RFX3: variants seen among roughly 807,000 people sequenced by gnomAD.
RFX3 encodes the protein transcription factor RFX3.
In RFX3, 14 loss-of-function variants were observed where a neutral mutation model predicts 98.6. That is an observed-to-expected ratio of 0.14 (90% CI 0.09 to 0.22). The LOEUF (loss-of-function observed/expected upper bound fraction) is 0.22. RFX3 is among the 10% of genes least tolerant of loss of function. The pLI is 1.00. For synonymous variants in RFX3, 383 were observed against 328.4 expected (o/e 1.17, Z -1.80); for missense variants, 639 against 926.9 (o/e 0.69, Z 4.03).
chr9:3,388,101 A>T (rs546774114), intron 2 of RFX3, among the ~76,000 whole-genome samples: 1 of 152,312 alleles, frequency 6.6e-6, no homozygotes, highest in South Asian at 2.1e-4. Context: ...AATTCTAATT[A>T]TCAGGGTTTC....
intron 2 of RFX3, among the ~76,000 whole-genome samples, chr9:3,369,862 A>G (rs376578388): frequency 6.6e-6 from 1 of 151,930 alleles, no homozygotes; most frequent in Non-Finnish European, 1.5e-5. Context: ...CGGAGTCTTG[A>G]TCTGTCGCCC....
chr9:3,313,456 C>T (rs1295908243), intron 4 of RFX3, among the ~76,000 whole-genome samples: 1 of 152,212 alleles, frequency 6.6e-6, no homozygotes, highest in African/African-American at 2.4e-5. Flanking sequence ...AATCAAAGTG[C>T]TTCTTCTCCT....
intron 1 of RFX3, among the ~76,000 whole-genome samples, chr9:3,458,238 T>C (rs946414963): frequency 2.6e-5 from 4 of 152,068 alleles, no homozygotes; most frequent in South Asian, 2.1e-4. Flanking sequence ...CACCAATACA[T>C]AGAATAAATA....
intron 1 of RFX3, among the ~76,000 whole-genome samples, chr9:3,409,754 T>A (rs187678793): frequency 6.6e-6 from 1 of 152,126 alleles, no homozygotes; most frequent in East Asian, 1.9e-4. Context: ...GGTGAAGGAG[T>A]AATCGGTTTT....
intron 1 of RFX3, among the ~76,000 whole-genome samples, chr9:3,403,157 G>T (rs1246300169): frequency 6.6e-6 from 1 of 151,944 alleles, no homozygotes; most frequent in African/African-American, 2.4e-5. Flanking sequence ...AAAACACTTG[G>T]CTTTCTTCCG....
chr9:3,289,515 A>C (rs1827062705), intron 6 of RFX3, among the ~76,000 whole-genome samples: 1 of 152,132 alleles, frequency 6.6e-6, no homozygotes, highest in South Asian at 2.1e-4. Context: ...TCTCCTGTAC[A>C]AGCTGGAGGA....
At chr9:3,517,651 C>T (rs1471005311) in intron 1 of RFX3, among the ~76,000 whole-genome samples, 2 of 152,212 alleles carry the variant, frequency 1.3e-5, no homozygotes, top group African/African-American at 4.8e-5. Flanking sequence ...CAGCAGGCAT[C>T]TGTGATTGTG....
At chr9:3,520,448 G>C (rs911930225) in intron 1 of RFX3, among the ~76,000 whole-genome samples, 1 of 152,064 alleles carries the variant, frequency 6.6e-6, no homozygotes, top group Non-Finnish European at 1.5e-5. Context: ...AGTATATATT[G>C]CTGTGAAAAG....
intron 2 of RFX3, among the ~76,000 whole-genome samples, chr9:3,365,784 T>C (rs1040100586): frequency 2.1e-4 from 32 of 152,108 alleles, no homozygotes; most frequent in African/African-American, 7.0e-4. Context: ...ACAGAGATAA[T>C]GGTATACAAT....
Position 3,414,439 on chromosome 9 carries a change from T to C in RFX3, c.-8-18843A>G, listed in dbSNP as rs570817803. On this transcript the variant is annotated intron_variant, in intron 1 of 16. Transcript: ENST00000617270. ...CTAGTTGAAAGATCCAAAGACATAT[T>C]TGCTGTCCTACCAAAAGGGCACACT... is the stretch of plus-strand genomic sequence containing the variant. Among the ~76,000 whole-genome samples the C allele has an allele frequency of 1.6e-4, 24 of 151,698 alleles. No homozygotes were observed. The South Asian group carries it at 5.0e-3, about 31-fold the overall frequency.
At chr9:3,364,468 T>C in intron 2 of RFX3, 1 of 256,706 alleles carries the variant, frequency 3.9e-6, no homozygotes, top group South Asian at 4.7e-5. Context: ...GTTATTTGCT[T>C]CTTTGAAGTG....
intron 3 of RFX3, chr9:3,344,786 G>A (rs7036456): frequency 0.035 from 24,101 of 698,526 alleles, 1,676 homozygotes; most frequent in African/African-American, 0.23. Flanking sequence ...CATAAAGGTC[G>A]AAGTGGCAGG....
At chr9:3,472,142 G>C (rs936250282) in intron 1 of RFX3, among the ~76,000 whole-genome samples, 2 of 152,182 alleles carry the variant, frequency 1.3e-5, no homozygotes, top group African/African-American at 4.8e-5. Context: ...GTTTAGAAAG[G>C]TCACTGTTGT....
chr9:3,235,762 T>C (rs993521738), intron 15 of RFX3, among the ~76,000 whole-genome samples: 1 of 152,170 alleles, frequency 6.6e-6, no homozygotes, highest in South Asian at 2.1e-4. Context: ...TTCATGTTAG[T>C]ATGTAGTATT....
intron 14 of RFX3, among the ~76,000 whole-genome samples, chr9:3,256,183 G>A (rs1822118201): frequency 6.6e-6 from 1 of 151,946 alleles, no homozygotes; most frequent in Non-Finnish European, 1.5e-5. Context: ...TGTTAGCGAG[G>A]ATGGTCTCGA....
chr9:3,255,000 A>G (rs1821923120), intron 14 of RFX3, among the ~76,000 whole-genome samples: 1 of 152,182 alleles, frequency 6.6e-6, no homozygotes, highest in Admixed American at 6.5e-5. Flanking sequence ...GAATTGTACC[A>G]CTGCAAAAAC....
chr9:3,275,033 G>A (rs1192537740), intron 9 of RFX3, among the ~76,000 whole-genome samples: 2 of 151,836 alleles, frequency 1.3e-5, no homozygotes, highest in East Asian at 3.9e-4. Context: ...ATTTTGGTAT[G>A]TGTATAGAGT....
chr9:3,508,962 C>T (rs1177445803), intron 1 of RFX3, among the ~76,000 whole-genome samples: 1 of 151,806 alleles, frequency 6.6e-6, no homozygotes, highest in Non-Finnish European at 1.5e-5. Flanking sequence ...CACAGACACA[C>T]ACACACACAC....
chr9:3,457,597 G>T (rs1309384848), intron 1 of RFX3, among the ~76,000 whole-genome samples: 5 of 152,002 alleles, frequency 3.3e-5, no homozygotes, highest in Admixed American at 3.3e-4. Flanking sequence ...ATCTGAACAT[G>T]TTCCAGTACT....
Sources: allele counts gnomAD v4.1 joint callset (sites outside exome capture counted in the v4.1 genomes callset), GRCh38; gene constraint gnomAD v4.1.1; transcripts MANE v1.5; gene names NCBI Gene and HGNC (gene_info 2026-07-23, HGNC 2026-07-21).